FOXN3: variants seen among roughly 807,000 people sequenced by gnomAD.
FOXN3 encodes forkhead box N3, also known as forkhead box protein N3.
In FOXN3, 7 loss-of-function variants were observed where a neutral mutation model predicts 38.4. The observed-to-expected ratio is 0.18, with a 90% confidence interval of 0.10 to 0.34. FOXN3 has a LOEUF of 0.34. Ranked by LOEUF, FOXN3 falls within the 10% of genes least tolerant of loss-of-function variation. The pLI is 1.00. For missense variants in FOXN3, 456 were observed against 613.4 expected (o/e 0.74, Z 2.71); for synonymous variants, 230 against 242.2 (o/e 0.95, Z 0.47).
intron 2 of FOXN3, among the ~76,000 whole-genome samples, chr14:89,404,264 C>T (rs1162856642): frequency 6.6e-6 from 1 of 151,702 alleles, no homozygotes; most frequent in Non-Finnish European, 1.5e-5. Context: ...AATCTCAGCA[C>T]TTTGGGAGGC....
chr14:89,501,992 C>T (rs112294404), intron 1 of FOXN3, among the ~76,000 whole-genome samples: 3,190 of 151,994 alleles, frequency 0.021, 102 homozygotes, highest in African/African-American at 0.073. Flanking sequence ...ATGGCGAAAC[C>T]CCAACTCTCC....
chr14:89,367,371 G>A (rs759870489), intron 2 of FOXN3, among the ~76,000 whole-genome samples: 5 of 152,200 alleles, frequency 3.3e-5, no homozygotes, highest in Admixed American at 6.5e-5. Flanking sequence ...TGATGTGGCG[G>A]CACCCGGCTC....
chr14:89,563,226 A>G (rs1895284905), intron 1 of FOXN3, among the ~76,000 whole-genome samples: 1 of 152,246 alleles, frequency 6.6e-6, no homozygotes, highest in Non-Finnish European at 1.5e-5. Flanking sequence ...TATTAAATTA[A>G]TCCTCACCAA....
At chr14:89,349,786 A>C (rs1888894516) in intron 3 of FOXN3, 1 of 152,254 alleles carries the variant, frequency 6.6e-6, no homozygotes, top group Non-Finnish European at 1.5e-5. Flanking sequence ...GCAGACTAGG[A>C]AAAGAATCTG....
Position 89,415,847 on chromosome 14 carries a change from T to C in FOXN3, c.-15+1024A>G, listed in dbSNP as rs1241907758. ...TGGTGACCTCCTTACAACTTTTCTC[T>C]ACACACACACACACACACACACACA... is the stretch of plus-strand genomic sequence containing the variant. On this transcript the variant is annotated intron_variant, in intron 1 of 5. Transcript: ENST00000557258. 6.4e-5 allele frequency among the ~76,000 whole-genome samples: 9 copies of C among 140,416 alleles called. 1 individual carries two copies. The highest frequency in any genetic ancestry group is 2.5e-4 in the African/African-American group (9 of 36,342). The allele number at this position is 140,416 out of a possible 152,430, so 92.1% of individuals were successfully genotyped here.
chr14:89,386,860 C>T (rs1437870699), intron 2 of FOXN3, among the ~76,000 whole-genome samples: 1 of 152,194 alleles, frequency 6.6e-6, no homozygotes, highest in African/African-American at 2.4e-5. Flanking sequence ...AGAGTGATCT[C>T]TCTTCCTCCT....
chr14:89,261,517 G>T (rs931608848), intron 4 of FOXN3, among the ~76,000 whole-genome samples: 5 of 152,160 alleles, frequency 3.3e-5, no homozygotes, highest in African/African-American at 1.2e-4. Context: ...AGGAGGGCCG[G>T]CGGCAGTGAC....
At chr14:89,187,327 T>C (rs1887833605) in intron 4 of FOXN3, among the ~76,000 whole-genome samples, 1 of 152,200 alleles carries the variant, frequency 6.6e-6, no homozygotes, top group African/African-American at 2.4e-5. Flanking sequence ...AGGCAGGCTC[T>C]GCGCAGACAG....
chr14:89,543,338 G>A (rs1268851008), intron 1 of FOXN3, among the ~76,000 whole-genome samples: 1 of 152,136 alleles, frequency 6.6e-6, no homozygotes, highest in Non-Finnish European at 1.5e-5. Context: ...GCACAAGACT[G>A]ACCTCTTTAG....
intron 1 of FOXN3, among the ~76,000 whole-genome samples, chr14:89,529,941 ATTT>A (rs57214820): frequency 1.3e-4 from 18 of 143,474 alleles, no homozygotes; most frequent in Admixed American, 1.4e-4. Context: ...AGACTGTGTA[ATTT>A]TTTTTTTTTT....
At chr14:89,452,940 A>G (rs769913964) in intron 1 of FOXN3, among the ~76,000 whole-genome samples, 2 of 152,192 alleles carry the variant, frequency 1.3e-5, no homozygotes, top group African/African-American at 2.4e-5. Context: ...AGCTCACGCC[A>G]GTAATCCCAG....
rs143802521 is a variant in FOXN3 at position 89,276,413 on chromosome 14, C to T, written c.745+4537G>A. On this transcript the variant is annotated intron_variant, in intron 4 of 5. Transcript: ENST00000557258. ...AATTAGAGGCCCAATACTATAGTGA[C>T]GGAGAAAAGGAAGAGGGAAGAATGA... 1.8e-3 allele frequency among the ~76,000 whole-genome samples: 281 copies of T among 152,214 alleles called. 2 individuals carry two copies. The highest frequency in any genetic ancestry group is 6.2e-3 in the African/African-American group (256 of 41,494).
intron 4 of FOXN3, among the ~76,000 whole-genome samples, chr14:89,251,241 T>C (rs569129444): frequency 6.6e-6 from 1 of 152,270 alleles, no homozygotes; most frequent in Non-Finnish European, 1.5e-5. Flanking sequence ...CTCAGACGCC[T>C]CCTACAGCCA....
At chr14:89,459,837 T>A (rs1892803199) in intron 1 of FOXN3, among the ~76,000 whole-genome samples, 1 of 152,122 alleles carries the variant, frequency 6.6e-6, no homozygotes, top group Non-Finnish European at 1.5e-5. Context: ...GAGGGCAATA[T>A]TCCTACAATG....
In FOXN3 at chr14:89,526,231, A is replaced by T. The variant is rs895374358; in HGVS notation, c.-15+92797T>A. 9.2e-5 allele frequency among the ~76,000 whole-genome samples: 14 copies of T among 152,260 alleles called. 1 individual carries two copies. The South Asian group carries it at 2.9e-3, about 32-fold the overall frequency. On this transcript the variant is annotated intron_variant, in intron 1 of 6. Coordinates refer to the FOXN3 transcript ENST00000345097. ...CAAGGCAAGATTTTCTGCTCCCATG[A>T]CTTCTATTTAATATTGTATTGGAGG...
chr14:89,423,761 T>C (rs1891967620), intron 1 of FOXN3, among the ~76,000 whole-genome samples: 1 of 152,214 alleles, frequency 6.6e-6, no homozygotes, highest in African/African-American at 2.4e-5. Flanking sequence ...ATGCCAATGT[T>C]GGTTGAAGGC....
rs145278971 is a variant in FOXN3, at chr14:89,239,982, T to C, written c.745+40968A>G. ...AAGACAATCTTGTCCCACAAGGCCA[T>C]GCTCTCCCTCTTGTTCATCCAGCAG... On this transcript the variant is annotated intron_variant, in intron 4 of 5. Coordinates refer to ENST00000557258, the MANE Select transcript of FOXN3 (RefSeq NM_005197.4). Among the ~76,000 whole-genome samples the C allele has an allele frequency of 1.3e-3, 193 of 152,332 alleles. 1 individual carries two copies. Among genetic ancestry groups the C allele is most frequent in the African/African-American group, 4.4e-3 (184 of 41,574 alleles).
At chr14:89,249,650 G>T (rs373820893) in intron 4 of FOXN3, among the ~76,000 whole-genome samples, 4 of 152,200 alleles carry the variant, frequency 2.6e-5, no homozygotes, top group African/African-American at 4.8e-5. Flanking sequence ...GGGACTCTTG[G>T]CTGTAGAGGA....
chr14:89,455,576 A>C (rs1417422279), intron 1 of FOXN3, among the ~76,000 whole-genome samples: 6 of 152,184 alleles, frequency 3.9e-5, no homozygotes, highest in African/African-American at 1.4e-4. Flanking sequence ...CACTGGATTA[A>C]CAACCAGCTG....
Sources: gnomAD v4.1 joint callset for allele counts (sites outside exome capture counted in the v4.1 genomes callset) on GRCh38, gnomAD v4.1.1 for gene constraint, MANE v1.5 for transcripts, NCBI Gene and HGNC (gene_info 2026-07-23, HGNC 2026-07-21) for gene names.